Variants in PHF24 observed in about 807,000 individuals in gnomAD.
PHF24 encodes PHD finger protein 24, also known as Galpha inhibitory interacting protein.
A neutral mutation model predicts 42.6 loss-of-function variants in PHF24; 25 were observed. The observed-to-expected ratio is 0.59, with a 90% CI of 0.43 to 0.82. The LOEUF (loss-of-function observed/expected upper bound fraction) is 0.82, where lower values mean the gene tolerates loss of function less well. PHF24 is among the 40% of genes least tolerant of loss of function. The probability of loss-of-function intolerance (pLI) is 0.00; values close to 1 mark genes in which losing one functional copy is unlikely to be tolerated. For missense variants in PHF24, 470 were observed against 538.1 expected (o/e 0.87, Z 1.25); for synonymous variants, 185 against 204.8 (o/e 0.90, Z 0.83).
the PHF24 span, among the ~76,000 whole-genome samples, chr9:34,810,109 T>G: frequency 6.6e-6 from 1 of 151,956 alleles, no homozygotes; most frequent in East Asian, 1.9e-4. Context: ...CGAGCTCCGC[T>G]GGGCAGCGCA....
At chr9:34,819,412 A>G in the PHF24 span, among the ~76,000 whole-genome samples, 1 of 152,100 alleles carries the variant, frequency 6.6e-6, no homozygotes, top group African/African-American at 2.4e-5. Flanking sequence ...ATTTATTGCT[A>G]TAAATTTCCC....
At chr9:34,761,322 T>TC in the PHF24 span, among the ~76,000 whole-genome samples, 1 of 151,824 alleles carries the variant, frequency 6.6e-6, no homozygotes, top group African/African-American at 2.4e-5. Context: ...CAGTTTTTTT[T>TC]AATAGATGGG....
At chr9:34,695,763 A>G in the PHF24 span, among the ~76,000 whole-genome samples, 1 of 152,212 alleles carries the variant, frequency 6.6e-6, no homozygotes, top group Non-Finnish European at 1.5e-5. Flanking sequence ...GAGGTCACAG[A>G]AGTATTGAGT....
the PHF24 span, among the ~76,000 whole-genome samples, chr9:34,815,110 A>G: frequency 5.9e-5 from 9 of 152,332 alleles, no homozygotes; most frequent in East Asian, 1.5e-3. Flanking sequence ...CTGCAGCTGC[A>G]TATCTTGAAT....
At chr9:34,859,830 A>G in the PHF24 span, among the ~76,000 whole-genome samples, 1 of 152,192 alleles carries the variant, frequency 6.6e-6, no homozygotes, top group South Asian at 2.1e-4. Flanking sequence ...TGCTGTTGGC[A>G]TAGGCACTCT....
the PHF24 span, among the ~76,000 whole-genome samples, chr9:34,697,356 G>A: frequency 1.3e-5 from 2 of 151,986 alleles, no homozygotes; most frequent in African/African-American, 4.8e-5. Flanking sequence ...GTCTTGCTCT[G>A]TCACCCAGGC....
chr9:34,957,740 G>A (rs1826410944), upstream of PHF24: 1 of 152,246 alleles, frequency 6.6e-6, no homozygotes, highest in South Asian at 2.1e-4. Context: ...GGAGCCCTGC[G>A]GGGGACGGCT....
At chr9:34,684,746 G>T in the PHF24 span, among the ~76,000 whole-genome samples, 5 of 152,256 alleles carry the variant, frequency 3.3e-5, no homozygotes, top group East Asian at 9.7e-4. Context: ...TTTGGATTGT[G>T]TTAGGCTCAG....
the PHF24 span, among the ~76,000 whole-genome samples, chr9:34,848,386 G>A: frequency 4.0e-5 from 6 of 151,510 alleles, no homozygotes; most frequent in African/African-American, 7.3e-5. Flanking sequence ...GTTTATTTGT[G>A]TAGAGGTGTT....
the PHF24 span, among the ~76,000 whole-genome samples, chr9:34,916,889 G>A: frequency 6.6e-6 from 1 of 152,208 alleles, no homozygotes; most frequent in Non-Finnish European, 1.5e-5. Flanking sequence ...TACTTGCCAT[G>A]TACACGGACA....
the PHF24 span, among the ~76,000 whole-genome samples, chr9:34,876,411 T>C: frequency 6.6e-6 from 1 of 152,202 alleles, no homozygotes; most frequent in Non-Finnish European, 1.5e-5. Context: ...GGCTACATAC[T>C]GTATGGTTCC....
At chr9:34,964,419 A>G (rs1191462489) in intron 1 of PHF24, among the ~76,000 whole-genome samples, 3 of 152,246 alleles carry the variant, frequency 2.0e-5, no homozygotes, top group Non-Finnish European at 2.9e-5. Flanking sequence ...AGAGAAAATC[A>G]GTAAATGTAC....
At chr9:34,747,764 G>A in the PHF24 span, among the ~76,000 whole-genome samples, 1 of 152,162 alleles carries the variant, frequency 6.6e-6, no homozygotes, top group Non-Finnish European at 1.5e-5. Flanking sequence ...CTGAATATGT[G>A]CATTTCCTGA....
At chr9:34,978,204 TG>T (rs1827274874) in exon 8 of PHF24, 2 of 979,002 alleles carry the variant, frequency 2.0e-6, no homozygotes, top group South Asian at 2.7e-5. Context: ...CAGAGACTCA[TG>T]GGGTTGGGAC....
At chr9:34,736,954 T>TTTGG in the PHF24 span, among the ~76,000 whole-genome samples, 1 of 150,938 alleles carries the variant, frequency 6.6e-6, no homozygotes, top group African/African-American at 2.4e-5. Context: ...GCCACTAGGG[T>TTTGG]TTCTCTTCTT....
At chr9:34,704,695 GTGT>G in the PHF24 span, among the ~76,000 whole-genome samples, 290 of 152,130 alleles carry the variant, frequency 1.9e-3, no homozygotes, top group African/African-American at 6.7e-3. Flanking sequence ...AATTAGCTGG[GTGT>G]GGTGGTGTGT....
At chr9:34,703,177 T>A in the PHF24 span, among the ~76,000 whole-genome samples, 1 of 151,680 alleles carries the variant, frequency 6.6e-6, no homozygotes, top group African/African-American at 2.4e-5. Context: ...CCCCATAATT[T>A]AAATTTTTTT....
At chr9:34,733,221 A>G in the PHF24 span, among the ~76,000 whole-genome samples, 1 of 152,272 alleles carries the variant, frequency 6.6e-6, no homozygotes, top group South Asian at 2.1e-4. Flanking sequence ...GAGAAGTGCA[A>G]ATTTGTATTT....
chr9:34,780,096 AC>A, the PHF24 span, among the ~76,000 whole-genome samples: 1 of 152,078 alleles, frequency 6.6e-6, no homozygotes, highest in East Asian at 1.9e-4. Context: ...TTCTGGGAAA[AC>A]TGGATCTCCA....
Sources: gnomAD v4.1 joint callset for allele counts (sites outside exome capture counted in the v4.1 genomes callset) on GRCh38, gnomAD v4.1.1 for gene constraint, MANE v1.5 for transcripts, NCBI Gene and HGNC (gene_info 2026-07-23, HGNC 2026-07-21) for gene names.